The following TERF1 variants were observed in gnomAD, a reference collection of about 807,000 sequenced individuals.
The protein encoded by TERF1 is telomeric repeat-binding factor 1.
TERF1 carries 20 observed loss-of-function variants against 55.1 expected under a neutral mutation model. That is an observed-to-expected ratio of 0.36 (90% CI 0.26 to 0.53). TERF1 has a LOEUF of 0.53. Among genes scored for constraint, TERF1 ranks in the 20% least tolerant of loss-of-function variants. The pLI is 0.91. For missense variants in TERF1, 439 were observed against 535.7 expected (o/e 0.82, Z 1.78); for synonymous variants, 168 against 181.2 (o/e 0.93, Z 0.59).
chr8:73,013,006 T>C, intron 1 of TERF1: 1 of 450,552 alleles, frequency 2.2e-6, no homozygotes, highest in Non-Finnish European at 4.5e-6. Context: ...AATTCTATTA[T>C]GACTGTGTAT....
intron 7 of TERF1, 108 bp downstream of exon 7, chr8:73,030,503 C>T (rs1809240736): frequency 2.8e-6 from 2 of 714,846 alleles, no homozygotes; most frequent in Non-Finnish European, 4.2e-6. Context: ...GAAAGAATAT[C>T]TCAGGGTCCT....
At chr8:73,036,579 T>C (rs1291668890) in intron 8 of TERF1, among the ~76,000 whole-genome samples, 1 of 151,878 alleles carries the variant, frequency 6.6e-6, no homozygotes, top group Non-Finnish European at 1.5e-5. Context: ...CACAGGGTAT[T>C]GGTTCCAGGA....
intron 6 of TERF1, among the ~76,000 whole-genome samples, chr8:73,029,661 C>CT (rs1308195917): frequency 1.3e-5 from 2 of 151,898 alleles, no homozygotes; most frequent in Non-Finnish European, 2.9e-5. Flanking sequence ...CTCCCATATA[C>CT]TTTAAATCAT....
chr8:73,029,760 G>A (rs1309041686), intron 6 of TERF1, among the ~76,000 whole-genome samples: 2 of 152,192 alleles, frequency 1.3e-5, no homozygotes, highest in Non-Finnish European at 2.9e-5. Flanking sequence ...AGGGGCTTTT[G>A]TAGGATGGTT....
rs369062146 is a variant in TERF1, at chr8:73,046,400, T to C, written c.*263T>C. On this transcript the variant is annotated 3_prime_UTR_variant, in exon 10 of 10. Coordinates refer to ENST00000276603, the MANE Select transcript of TERF1 (RefSeq NM_017489.3). The stretch of plus-strand genomic sequence containing the variant: ...TCCCCACCCCCAAATCCTGTTCCAA[T>C]GAAAAAATTAAAACCTGATACGAAA... 47 of 247,002 alleles carry C rather than the reference T, an allele frequency of 1.9e-4. No individual in the cohort carries two copies. The South Asian group carries it at 6.1e-3, about 32-fold the overall frequency. 15.3% of individuals were successfully genotyped at this position (247,002 alleles called of 1,614,324 possible).
intron 1 of TERF1, chr8:73,012,887 A>G (rs1460372710): frequency 2.2e-6 from 1 of 455,856 alleles, no homozygotes; most frequent in East Asian, 6.9e-5. Context: ...GAGACTGGCT[A>G]TCTGAAGTCA....
At chr8:73,040,268 T>A (rs1475931843) in intron 9 of TERF1, among the ~76,000 whole-genome samples, 2 of 152,286 alleles carry the variant, frequency 1.3e-5, no homozygotes, top group Non-Finnish European at 2.9e-5. Context: ...GACCAGAGAT[T>A]TAGGGGGTGT....
rs141496517 is a variant in TERF1 at position 73,022,395 on chromosome 8, A to G, written c.624+93A>G. ...AATTGGAGGAGAAAAGAAATGCTTTATCTTTTAAACAGTATAGAATAATAC... is the reference window on the plus strand; with the variant it reads ...AATTGGAGGAGAAAAGAAATGCTTTGTCTTTTAAACAGTATAGAATAATAC... On this transcript the variant is annotated intron_variant, in intron 4 of 9. Coordinates refer to ENST00000276603, the MANE Select transcript of TERF1 (RefSeq NM_017489.3). 1.9e-4 allele frequency: 141 copies of G among 735,740 alleles called. 2 individuals carry two copies. In the African/African-American group the frequency reaches 2.3e-3, roughly 12 times the overall value. The allele number at this position is 735,740 out of a possible 1,614,324, so 45.6% of individuals were successfully genotyped here. A position where few individuals can be genotyped will look rare whatever the true frequency, so the allele number is the denominator to read the frequency against.
At chr8:73,026,226 G>A (rs1199092901) in intron 5 of TERF1, among the ~76,000 whole-genome samples, 2 of 129,462 alleles carry the variant, frequency 1.5e-5, no homozygotes, top group African/African-American at 2.9e-5. Flanking sequence ...AGTCAGGCGC[G>A]GTAACTCACG....
intron 6 of TERF1, among the ~76,000 whole-genome samples, chr8:73,028,207 T>C (rs746223176): frequency 6.6e-6 from 1 of 152,178 alleles, no homozygotes; most frequent in Non-Finnish European, 1.5e-5. Context: ...CTATGGACTC[T>C]CCTTATATAG....
At chr8:73,036,828 ATATATATAATATATATT>A (rs945626888) in intron 8 of TERF1, among the ~76,000 whole-genome samples, 1 of 135,430 alleles carries the variant, frequency 7.4e-6, no homozygotes, top group Non-Finnish European at 1.6e-5. Flanking sequence ...TTATATATAA[ATATATATAATATATATT>A]TATATATAAT....
chr8:73,019,483 T>C (rs1416780387), intron 2 of TERF1, among the ~76,000 whole-genome samples: 1 of 152,208 alleles, frequency 6.6e-6, no homozygotes, highest in East Asian at 1.9e-4. Flanking sequence ...AGACAACTAC[T>C]TGCCTTTTCC....
At chr8:73,013,873 A>G in intron 1 of TERF1, 22 bp from the exon 2 acceptor site, 1 of 1,539,186 alleles carries the variant, frequency 6.5e-7, no homozygotes, top group Non-Finnish European at 8.9e-7. Context: ...TTTTAATAAA[A>G]TTTACTTTTT....
At chr8:73,017,951 C>T (rs1046027153) in intron 2 of TERF1, among the ~76,000 whole-genome samples, 3 of 152,084 alleles carry the variant, frequency 2.0e-5, no homozygotes, top group African/African-American at 2.4e-5. Context: ...TCTCGTGATC[C>T]GCCTGCCTTG....
chr8:73,029,591 G>T (rs1280886936), intron 6 of TERF1, among the ~76,000 whole-genome samples: 1 of 146,864 alleles, frequency 6.8e-6, no homozygotes, highest in Non-Finnish European at 1.5e-5. Flanking sequence ...GGTGACCCTC[G>T]GCGAGACCCT....
At chr8:73,031,837 A>T (rs936289505) in intron 7 of TERF1, 14 of 382,200 alleles carry the variant, frequency 3.7e-5, no homozygotes, top group African/African-American at 2.7e-4. Flanking sequence ...TGCGGAGTAG[A>T]TGAGATGGAG....
At chr8:73,015,889 G>T (rs1808482089) in intron 2 of TERF1, among the ~76,000 whole-genome samples, 2 of 152,052 alleles carry the variant, frequency 1.3e-5, no homozygotes, top group South Asian at 4.1e-4. Flanking sequence ...ATTAAAATAG[G>T]TGGAATTAAT....
chr8:73,040,282 T>G (rs1809780126), intron 9 of TERF1, among the ~76,000 whole-genome samples: 1 of 152,170 alleles, frequency 6.6e-6, no homozygotes, highest in Non-Finnish European at 1.5e-5. Flanking sequence ...GGGGTGTACC[T>G]CAGGGTATTT....
At chr8:73,014,845 G>A (rs1018136580) in intron 2 of TERF1, among the ~76,000 whole-genome samples, 4 of 152,138 alleles carry the variant, frequency 2.6e-5, no homozygotes, top group Non-Finnish European at 4.4e-5. Flanking sequence ...GTCTGGAGTT[G>A]GTGCCAGGAC....
Sources: allele counts gnomAD v4.1 joint callset (sites outside exome capture counted in the v4.1 genomes callset), GRCh38; gene constraint gnomAD v4.1.1; transcripts MANE v1.5; gene names NCBI Gene and HGNC (gene_info 2026-07-23, HGNC 2026-07-21).